The following DIP2C variants were observed in gnomAD, a reference collection of about 807,000 sequenced individuals.
DIP2C encodes the protein DIP2 acetate--CoA ligase C (putative), also known as disco-interacting protein 2 homolog C.
In DIP2C, 33 loss-of-function variants were observed where a neutral mutation model predicts 192.4. That is an observed-to-expected ratio of 0.17 (90% confidence interval 0.13 to 0.23). The LOEUF is 0.23. Ranked by LOEUF, DIP2C falls within the 10% of genes least tolerant of loss-of-function variation. The pLI, the probability that DIP2C is intolerant of heterozygous loss-of-function variation, is 1.00. For synonymous variants in DIP2C, 979 were observed against 864.1 expected (o/e 1.13, Z -2.33); for missense variants, 1,537 against 2,110.1 (o/e 0.73, Z 5.32).
intron 32 of DIP2C, among the ~76,000 whole-genome samples, chr10:289,475 T>C (rs1260607542): frequency 6.6e-6 from 1 of 152,170 alleles, no homozygotes; most frequent in East Asian, 1.9e-4. Flanking sequence ...ACTATGTTGC[T>C]TAGGCTGGTC....
chr10:522,031 C>T (rs1221530023), intron 1 of DIP2C, among the ~76,000 whole-genome samples: 1 of 152,066 alleles, frequency 6.6e-6, no homozygotes, highest in Non-Finnish European at 1.5e-5. Context: ...TCCCCCATGA[C>T]AGCCCCACAC....
At chr10:611,724 T>C (rs931724700) in intron 1 of DIP2C, among the ~76,000 whole-genome samples, 3 of 152,150 alleles carry the variant, frequency 2.0e-5, no homozygotes, top group African/African-American at 4.8e-5. Context: ...GGCACACACG[T>C]AGGAAAGCAG....
chr10:493,430 A>G (rs1844592770), intron 1 of DIP2C, among the ~76,000 whole-genome samples: 1 of 152,076 alleles, frequency 6.6e-6, no homozygotes, highest in Admixed American at 6.5e-5. Context: ...TGGATGTTGT[A>G]TTTACATTTT....
intron 29 of DIP2C, among the ~76,000 whole-genome samples, chr10:339,193 A>G (rs1289334104): frequency 6.6e-6 from 1 of 152,068 alleles, no homozygotes; most frequent in African/African-American, 2.4e-5. Flanking sequence ...TATTATTTTT[A>G]ACTTATGTAT....
chr10:521,908 C>T (rs960070010), intron 1 of DIP2C, among the ~76,000 whole-genome samples: 1 of 151,898 alleles, frequency 6.6e-6, no homozygotes, highest in African/African-American at 2.4e-5. Flanking sequence ...CATGTCTGTA[C>T]AAATGACAGA....
At chr10:479,617 A>C (rs2133503068) in intron 2 of DIP2C, among the ~76,000 whole-genome samples, 1 of 152,292 alleles carries the variant, frequency 6.6e-6, no homozygotes, top group Non-Finnish European at 1.5e-5. Flanking sequence ...TATAGGCATG[A>C]GCCAATGCGC....
rs548705563 is a variant in DIP2C, at chr10:414,489, A to G, written c.860-379T>C. The stretch of plus-strand genomic sequence containing the variant: ...CAAATTGCTTAAATCTTGCTAAATT[A>G]TATTTTGTCCTGAAAGATTAATGAT... On this transcript the variant is annotated intron_variant, in intron 7 of 36. Transcript: ENST00000280886. Among the ~76,000 whole-genome samples the G allele has an allele frequency of 6.6e-5, 10 of 152,166 alleles. No homozygotes were observed. The East Asian group carries it at 1.7e-3, about 26-fold the overall frequency.
intron 31 of DIP2C, among the ~76,000 whole-genome samples, chr10:319,995 G>A (rs1956937656): frequency 1.3e-5 from 2 of 152,168 alleles, no homozygotes; most frequent in African/African-American, 4.8e-5. Context: ...TGACTCTTAA[G>A]GTGCAAGCCC....
In DIP2C at chr10:423,524, T is replaced by C. The variant is rs189200059; in HGVS notation, c.395-491A>G. ...CCCATGCAGCTGATTTCTATGTCGG[T>C]GTGTGTGTTAGACACCCATGCAGCT... is the stretch of plus-strand genomic sequence containing the variant. On this transcript the variant is annotated intron_variant, in intron 4 of 36. Coordinates refer to ENST00000280886, the MANE Select transcript of DIP2C (RefSeq NM_014974.3). Among the ~76,000 whole-genome samples the C allele has an allele frequency of 3.9e-3, 590 of 152,300 alleles. 2 individuals carry two copies. The highest frequency in any genetic ancestry group is 0.01 in the Middle Eastern group (3 of 294).
intron 1 of DIP2C, among the ~76,000 whole-genome samples, chr10:658,091 T>TGGACCTGACACTGGACCTGAC (rs1856506649): frequency 7.3e-6 from 1 of 137,474 alleles, no homozygotes; most frequent in Non-Finnish European, 1.5e-5. Flanking sequence ...CTGGACCTGA[T>TGGACCTGACACTGGACCTGAC]GCTGGACCTG....
chr10:576,049 C>T (rs1850128948), intron 1 of DIP2C, among the ~76,000 whole-genome samples: 1 of 152,202 alleles, frequency 6.6e-6, no homozygotes, highest in Admixed American at 6.5e-5. Context: ...GCACAGTGAC[C>T]AGGAACTCAC....
chr10:365,113 G>A (rs1464173120), intron 19 of DIP2C: 1 of 440,942 alleles, frequency 2.3e-6, no homozygotes, highest in East Asian at 6.4e-5. Flanking sequence ...CAGAGAAACG[G>A]AGATGGAGTT....
In DIP2C at chr10:512,041, C is replaced by G. The variant is rs376601211; in HGVS notation, c.86-25511G>C. On this transcript the variant is annotated intron_variant, in intron 1 of 36. Transcript: ENST00000280886. The stretch of plus-strand genomic sequence containing the variant: ...CTCAGGACACCGCACACGTTAGGGT[C>G]GCCCACAGACGGCCGTTCCCAGTGC... Among the ~76,000 whole-genome samples, 324 of 152,292 alleles carry G rather than the reference C, an allele frequency of 2.1e-3. 2 individuals carry two copies. Among genetic ancestry groups the G allele is most frequent in the Middle Eastern group, 0.014 (4 of 294 alleles).
chr10:548,507 G>A (rs1010773663), intron 1 of DIP2C, among the ~76,000 whole-genome samples: 1 of 87,826 alleles, frequency 1.1e-5, no homozygotes, highest in African/African-American at 1.0e-4. Flanking sequence ...ATGTGGCCAG[G>A]AGGGAGGGAG....
At chr10:311,421 G>A (rs1956561478) in intron 31 of DIP2C, 19 of 947,634 alleles carry the variant, frequency 2.0e-5, no homozygotes, top group Non-Finnish European at 2.6e-5. Context: ...CACAGGGCCT[G>A]CAGACCCCCG....
intron 1 of DIP2C, among the ~76,000 whole-genome samples, chr10:531,447 CTG>C (rs796664503): frequency 1.8e-4 from 27 of 152,176 alleles, no homozygotes; most frequent in African/African-American, 6.5e-4. Context: ...TTTCCTTCCT[CTG>C]TACATCTCAT....
At chr10:642,317 C>T (rs1855233015) in intron 1 of DIP2C, among the ~76,000 whole-genome samples, 1 of 152,172 alleles carries the variant, frequency 6.6e-6, no homozygotes, top group Non-Finnish European at 1.5e-5. Flanking sequence ...CCTAACGTCA[C>T]ACTGGGGTGG....
chr10:467,225 T>C (rs981058326), intron 3 of DIP2C, among the ~76,000 whole-genome samples: 62 of 152,280 alleles, frequency 4.1e-4, no homozygotes, highest in African/African-American at 1.3e-3. Flanking sequence ...GTTCATGTCC[T>C]TTGTAGGGAC....
intron 26 of DIP2C, among the ~76,000 whole-genome samples, chr10:347,282 T>C (rs1283329201): frequency 6.8e-5 from 7 of 102,846 alleles, no homozygotes; most frequent in African/African-American, 1.2e-4. Context: ...TCACGCATAG[T>C]TCTCCCGGGA....
Sources: allele counts gnomAD v4.1 joint callset (sites outside exome capture counted in the v4.1 genomes callset), GRCh38; gene constraint gnomAD v4.1.1; transcripts MANE v1.5; gene names NCBI Gene and HGNC (gene_info 2026-07-23, HGNC 2026-07-21).